Variants in CIMIP4 observed in about 807,000 individuals in gnomAD.
CIMIP4 encodes protein EAN57.
chr22:37,002,194 C>A, the CIMIP4 span: 5 of 1,484,328 alleles, frequency 3.4e-6, no homozygotes, highest in Non-Finnish European at 1.8e-6. Flanking sequence ...ATGACAGACC[C>A]TGGTTCTTGA....
At chr22:36,991,492 G>T in the CIMIP4 span, 1 of 1,614,042 alleles carries the variant, frequency 6.2e-7, no homozygotes, top group South Asian at 1.1e-5. Flanking sequence ...CAGATCATCC[G>T]TCTTCCTGCC....
the CIMIP4 span, chr22:37,000,136 C>G: frequency 2.0e-6 from 2 of 1,023,194 alleles, no homozygotes; most frequent in Admixed American, 3.0e-5. Flanking sequence ...GGCTGGGGAG[C>G]TGGGGTATAC....
chr22:37,001,798 TA>T, the CIMIP4 span: 1 of 1,485,300 alleles, frequency 6.7e-7, no homozygotes, highest in Non-Finnish European at 9.0e-7. Context: ...GTCCTCATTA[TA>T]AGACTCTGCA....
At chr22:37,003,839 C>A in the CIMIP4 span, 8 of 905,838 alleles carry the variant, frequency 8.8e-6, no homozygotes, top group South Asian at 4.7e-5. Flanking sequence ...AAGCCTGGGC[C>A]GATGGTGGGT....
the CIMIP4 span, among the ~76,000 whole-genome samples, chr22:37,000,955 C>G: frequency 6.6e-6 from 1 of 152,128 alleles, no homozygotes; most frequent in Non-Finnish European, 1.5e-5. Flanking sequence ...TTTTGTGACC[C>G]AAGCAGATCG....
the CIMIP4 span, among the ~76,000 whole-genome samples, chr22:36,992,666 C>A: frequency 6.6e-6 from 1 of 152,028 alleles, no homozygotes; most frequent in Non-Finnish European, 1.5e-5. Flanking sequence ...ACTAAGTTCT[C>A]TTCTTTTCCA....
chr22:37,000,694 A>T, the CIMIP4 span, among the ~76,000 whole-genome samples: 1 of 152,184 alleles, frequency 6.6e-6, no homozygotes, highest in Non-Finnish European at 1.5e-5. Flanking sequence ...TAAGTTACAG[A>T]TGGGCAGAAA....
the CIMIP4 span, among the ~76,000 whole-genome samples, chr22:36,995,479 C>T: frequency 6.6e-6 from 1 of 152,190 alleles, no homozygotes; most frequent in Non-Finnish European, 1.5e-5. Flanking sequence ...GGGCCACTCA[C>T]CGTGGCCATA....
At chr22:37,002,155 G>C in the CIMIP4 span, 2 of 1,519,752 alleles carry the variant, frequency 1.3e-6, no homozygotes, top group South Asian at 2.6e-5. Flanking sequence ...TGCCTTGAGC[G>C]CTGGCTCCCA....
At chr22:37,001,836 C>T in the CIMIP4 span, 1 of 1,571,358 alleles carries the variant, frequency 6.4e-7, no homozygotes, top group Non-Finnish European at 8.6e-7. Flanking sequence ...TGCTATGACA[C>T]CTGCTCCTCG....
chr22:36,995,544 T>C, the CIMIP4 span, among the ~76,000 whole-genome samples: 1 of 152,152 alleles, frequency 6.6e-6, no homozygotes, highest in Non-Finnish European at 1.5e-5. Flanking sequence ...GGGAAGCCTA[T>C]ACACCCAGGA....
At chr22:36,991,509 G>A in the CIMIP4 span, 1 of 1,614,180 alleles carries the variant, frequency 6.2e-7, no homozygotes, top group Non-Finnish European at 8.5e-7. Flanking sequence ...TGCCATGCCA[G>A]TGTTCTAAGT....
chr22:36,999,962 A>G, the CIMIP4 span: 4 of 1,613,192 alleles, frequency 2.5e-6, no homozygotes, highest in East Asian at 6.7e-5. Context: ...GCCCTCGAAG[A>G]CTTCATCAAT....
chr22:36,997,734 G>A, the CIMIP4 span, among the ~76,000 whole-genome samples: 4 of 152,166 alleles, frequency 2.6e-5, no homozygotes, highest in African/African-American at 9.7e-5. Context: ...TTAAAATCCC[G>A]GCTTGGTTTC....
At chr22:37,007,681 AC>A in the CIMIP4 span, 1 of 152,064 alleles carries the variant, frequency 6.6e-6, no homozygotes, top group African/African-American at 2.4e-5. Context: ...GGAAGATGAA[AC>A]CCCATGTCCT....
chr22:37,001,955 C>G, the CIMIP4 span: 1 of 1,613,976 alleles, frequency 6.2e-7, no homozygotes, highest in South Asian at 1.1e-5. Context: ...AGCCCCCAAG[C>G]TGGGACCGTC....
the CIMIP4 span, chr22:36,991,379 G>A: frequency 1.1e-5 from 17 of 1,550,462 alleles, no homozygotes; most frequent in South Asian, 5.6e-5. Flanking sequence ...AGTCCACCCC[G>A]GCTCTGTCTC....
chr22:36,994,912 G>A, the CIMIP4 span, among the ~76,000 whole-genome samples: 1 of 152,134 alleles, frequency 6.6e-6, no homozygotes, highest in Non-Finnish European at 1.5e-5. Context: ...TTACAGGCGT[G>A]AGCCACTGCG....
the CIMIP4 span, among the ~76,000 whole-genome samples, chr22:37,002,741 C>T: frequency 6.6e-6 from 1 of 152,220 alleles, no homozygotes; most frequent in Non-Finnish European, 1.5e-5. Flanking sequence ...GAGAATCTGG[C>T]AGCAGCGGCA....
Sources: allele counts gnomAD v4.1 joint callset (sites outside exome capture counted in the v4.1 genomes callset), GRCh38; gene constraint gnomAD v4.1.1; transcripts MANE v1.5; gene names NCBI Gene and HGNC (gene_info 2026-07-23, HGNC 2026-07-21).